Variants in CDH8 observed in about 807,000 individuals in gnomAD.
The protein encoded by CDH8 is cadherin-8.
A neutral mutation model predicts 68.1 loss-of-function variants in CDH8; 17 were observed. The ratio of observed to expected loss-of-function variants is 0.25; its 90% CI spans 0.17 to 0.37. CDH8 has a LOEUF of 0.37. Among genes scored for constraint, CDH8 ranks in the 10% least tolerant of loss-of-function variants. CDH8 has a pLI of 1.00. For synonymous variants in CDH8, 372 were observed against 365.1 expected (o/e 1.02, Z -0.21); for missense variants, 763 against 999.3 (o/e 0.76, Z 3.19).
At chr16:61,890,777 T>C (rs1963761507) in intron 3 of CDH8, among the ~76,000 whole-genome samples, 1 of 152,162 alleles carries the variant, frequency 6.6e-6, no homozygotes, top group Non-Finnish European at 1.5e-5. Context: ...TTCTGAGGAA[T>C]TTTTATTGGA....
chr16:61,735,947 C>A (rs1959665979), intron 8 of CDH8, among the ~76,000 whole-genome samples: 1 of 151,896 alleles, frequency 6.6e-6, no homozygotes, highest in African/African-American at 2.4e-5. Flanking sequence ...TTGGCACGCA[C>A]CTGTAGTCCC....
chr16:61,782,293 G>A (rs1961085822), intron 8 of CDH8, among the ~76,000 whole-genome samples: 1 of 152,228 alleles, frequency 6.6e-6, no homozygotes, highest in Non-Finnish European at 1.5e-5. Flanking sequence ...CAAGGGGTCA[G>A]GGAGTTCCCT....
intron 7 of CDH8, among the ~76,000 whole-genome samples, chr16:61,808,129 T>C (rs1014605421): frequency 6.6e-6 from 1 of 152,200 alleles, no homozygotes; most frequent in African/African-American, 2.4e-5. Context: ...TACAGAAGAA[T>C]GCATATTCAA....
chr16:62,022,245 G>A (rs1242850524), intron 1 of CDH8, among the ~76,000 whole-genome samples: 1 of 152,130 alleles, frequency 6.6e-6, no homozygotes, highest in Admixed American at 6.5e-5. Flanking sequence ...GGTGCAGAAT[G>A]CAATCCTCTG....
intron 10 of CDH8, among the ~76,000 whole-genome samples, chr16:61,695,873 G>C (rs16963854): frequency 6.6e-6 from 1 of 152,002 alleles, no homozygotes; most frequent in South Asian, 2.1e-4. Context: ...AAGTGTTTGC[G>C]GATGTTTCAA....
At position 61,648,032 on chromosome 16, in the gene CDH8, A is replaced by G; in HGVS notation, c.*5576T>C. The G allele has an allele frequency of 1.7e-6, 1 of 575,374 alleles. No homozygotes were observed. 35.6% of individuals were successfully genotyped at this position (575,374 alleles called of 1,614,324 possible). A position where few individuals can be genotyped will look rare whatever the true frequency, so the allele number is the denominator to read the frequency against. On this transcript the variant is annotated 3_prime_UTR_variant, in exon 12 of 12. Transcript: ENST00000577390. ...CCAAAGGCACTATTTTCACCAGCAAATGCCTACTAACCTTGAGACCTAGAT... is the reference window on the plus strand; with the variant it reads ...CCAAAGGCACTATTTTCACCAGCAAGTGCCTACTAACCTTGAGACCTAGAT...
chr16:61,809,989 T>G (rs1410038818), intron 7 of CDH8, among the ~76,000 whole-genome samples: 1 of 152,214 alleles, frequency 6.6e-6, no homozygotes, highest in Non-Finnish European at 1.5e-5. Flanking sequence ...TATCTATTTT[T>G]CAAATTTAAA....
At chr16:61,884,452 C>A (rs1349890960) in intron 3 of CDH8, among the ~76,000 whole-genome samples, 1 of 150,698 alleles carries the variant, frequency 6.6e-6, no homozygotes, top group Non-Finnish European at 1.5e-5. Context: ...CGGCTCATTG[C>A]AACCTCTGCC....
intron 3 of CDH8, among the ~76,000 whole-genome samples, chr16:61,858,708 T>G (rs1963095855): frequency 6.6e-6 from 1 of 152,110 alleles, no homozygotes; most frequent in South Asian, 2.1e-4. Context: ...GCATCTGGGA[T>G]GTGATGCAGT....
At position 61,653,931 on chromosome 16, in the gene CDH8, C is replaced by G. The variant is rs867793640; in HGVS notation, c.2077G>C (p.Gly693Arg). 1.9e-6 allele frequency: 3 copies of G among 1,614,172 alleles called. No individual in the cohort carries two copies. Among genetic ancestry groups the G allele is most frequent in the Admixed American group, 1.7e-5 (1 of 60,018 alleles). ...TTAATATCCTTACGGGGTAAAAATC[C>G]ATTAATTCCATCTGGATTTTGTAAA... ...ATLQNPDGIN[G>R]FLPRKDIKPD... Residue 693 changes from glycine (G) to arginine (R), a missense_variant, in exon 12 of 12, where the codon GGA becomes CGA. Gly to Arg is a moderately radical substitution (Grantham distance 125). Transcript: ENST00000577390.
chr16:61,728,259 T>TC (rs889017805), intron 8 of CDH8, among the ~76,000 whole-genome samples: 2 of 150,890 alleles, frequency 1.3e-5, no homozygotes, highest in Non-Finnish European at 3.0e-5. Flanking sequence ...CTCATTTTTT[T>TC]TTTTTGGTTA....
At chr16:62,031,775 T>C (rs1902332958) in intron 1 of CDH8, among the ~76,000 whole-genome samples, 1 of 121,086 alleles carries the variant, frequency 8.3e-6, no homozygotes, top group Admixed American at 8.1e-5. Context: ...GAAATAAAGC[T>C]TAAAACTTGA....
At chr16:61,846,891 G>A (rs1450868553) in intron 4 of CDH8, among the ~76,000 whole-genome samples, 5 of 152,038 alleles carry the variant, frequency 3.3e-5, no homozygotes, top group Non-Finnish European at 7.4e-5. Context: ...CATCTAAAGA[G>A]AAAACACTAG....
chr16:61,787,946 G>GGA (rs1961270833), intron 8 of CDH8, among the ~76,000 whole-genome samples: 1 of 124,022 alleles, frequency 8.1e-6, no homozygotes, highest in African/African-American at 3.1e-5. Context: ...TGTGGTGGGG[G>GGA]GGGCGGGGGG....
chr16:62,002,921 C>T (rs1207512895), intron 2 of CDH8, among the ~76,000 whole-genome samples: 1 of 152,130 alleles, frequency 6.6e-6, no homozygotes, highest in Non-Finnish European at 1.5e-5. Context: ...GGCGTGGCGG[C>T]AGGCACCTGT....
chr16:61,894,472 G>A (rs1963836798), intron 3 of CDH8, among the ~76,000 whole-genome samples: 1 of 152,072 alleles, frequency 6.6e-6, no homozygotes, highest in South Asian at 2.1e-4. Context: ...TCCTAATTTT[G>A]ATGATTGTAT....
chr16:61,777,690 C>G (rs2142991557), intron 8 of CDH8, among the ~76,000 whole-genome samples: 1 of 152,176 alleles, frequency 6.6e-6, no homozygotes, highest in East Asian at 1.9e-4. Flanking sequence ...GGGAGGAATT[C>G]CCAAGTCAAA....
rs144073038 is a variant in CDH8 at position 61,990,472 on chromosome 16, C to T, written c.252+30680G>A. 1.1e-3 allele frequency among the ~76,000 whole-genome samples: 168 copies of T among 151,764 alleles called. 2 individuals carry two copies. In the East Asian group the frequency reaches 0.029, roughly 26 times the overall value. On this transcript the variant is annotated intron_variant, in intron 2 of 11. Transcript: ENST00000577390. ...CTCCCAAAGTGCGTGTATTTTAGCT[C>T]AAGTCCTCTTAATGTTCATATAAAG...
In CDH8 at chr16:61,647,835, T is replaced by G. The variant is rs978178218; in HGVS notation, c.*5773A>C. ...ATTGAAGCCATGGTTTTCCACAGTC[T>G]TTCTCTTCAGACAGCATCTTGTGAT... On this transcript the variant is annotated 3_prime_UTR_variant, in exon 12 of 12. Transcript: ENST00000577390. The G allele has an allele frequency of 2.9e-6, 2 of 699,918 alleles. No individual in the cohort carries two copies. Among genetic ancestry groups the G allele is most frequent in the Non-Finnish European group, 5.2e-6 (2 of 382,980 alleles). 43.4% of individuals were successfully genotyped at this position (699,918 alleles called of 1,614,324 possible). A position where few individuals can be genotyped will look rare whatever the true frequency, so the allele number is the denominator to read the frequency against.
Sources: allele counts gnomAD v4.1 joint callset (sites outside exome capture counted in the v4.1 genomes callset), GRCh38; gene constraint gnomAD v4.1.1; transcripts MANE v1.5; gene names NCBI Gene and HGNC (gene_info 2026-07-23, HGNC 2026-07-21).